The following RPGRIP1L variants were observed in gnomAD, a reference collection of about 807,000 sequenced individuals.
The protein encoded by RPGRIP1L is protein fantom.
In RPGRIP1L, 131 loss-of-function variants were observed where a neutral mutation model predicts 160.4. The ratio of observed to expected loss-of-function variants is 0.82; its 90% CI spans 0.71 to 0.94. RPGRIP1L has a LOEUF of 0.94. RPGRIP1L is among the 40% of genes least tolerant of loss of function. RPGRIP1L has a pLI of 0.00. For synonymous variants in RPGRIP1L, 510 were observed against 515.8 expected, an observed-to-expected ratio of 0.99 and a Z score of 0.15; for missense variants, 1,522 against 1,535.8, an observed-to-expected ratio of 0.99 and a Z score of 0.15.
intron 1 of RPGRIP1L, chr16:53,701,777 T>C (rs376117696): frequency 1.3e-5 from 2 of 152,016 alleles, no homozygotes; most frequent in African/African-American, 4.8e-5. Context: ...ATGGAGTCCA[T>C]GGGGTTTCAG....
intron 24 of RPGRIP1L, among the ~76,000 whole-genome samples, chr16:53,614,378 A>T (rs1249773508): frequency 6.6e-6 from 1 of 152,140 alleles, no homozygotes; most frequent in East Asian, 1.9e-4. Flanking sequence ...AATGCAGATT[A>T]TTGAGTTGTA....
At chr16:53,687,095 G>T (rs1412802519) in intron 5 of RPGRIP1L, among the ~76,000 whole-genome samples, 1 of 152,018 alleles carries the variant, frequency 6.6e-6, no homozygotes, top group Non-Finnish European at 1.5e-5. Context: ...CAGGTAACAA[G>T]GTTATGTCTA....
rs1000865305 is a variant in RPGRIP1L, at chr16:53,688,029, G to C, written c.530-64C>G. 7.3e-6 allele frequency: 7 copies of C among 959,896 alleles called. No homozygotes were observed. The African/African-American group carries it at 8.1e-5, about 11-fold the overall frequency. 59.5% of individuals were successfully genotyped at this position (959,896 alleles called of 1,614,324 possible). On this transcript the variant is annotated intron_variant, in intron 4 of 26. Coordinates refer to ENST00000647211, the MANE Select transcript of RPGRIP1L (RefSeq NM_015272.5). Reference sequence around the variant, plus strand: ...GTTAGAAAAGAAGGATCTTTGATTTGCTATAATAAGGATATTTATAATAAA... The same window carrying C: ...GTTAGAAAAGAAGGATCTTTGATTTCCTATAATAAGGATATTTATAATAAA...
chr16:53,607,358 G>A (rs1963754364), intron 25 of RPGRIP1L, among the ~76,000 whole-genome samples: 1 of 152,082 alleles, frequency 6.6e-6, no homozygotes, highest in African/African-American at 2.4e-5. Flanking sequence ...AGAAAAACTT[G>A]GCATCGGAAA....
chr16:53,646,911 A>G (rs1037590895), intron 16 of RPGRIP1L, among the ~76,000 whole-genome samples: 9 of 152,138 alleles, frequency 5.9e-5, no homozygotes. Context: ...GAAATCTAAG[A>G]CGTGAATCAC....
chr16:53,625,819 A>T (rs535682344), intron 22 of RPGRIP1L, among the ~76,000 whole-genome samples: 2 of 152,302 alleles, frequency 1.3e-5, no homozygotes, highest in East Asian at 3.9e-4. Flanking sequence ...CTGCCTTGGG[A>T]TGCTGTTAAT....
chr16:53,703,065 T>TC (rs1333501254), intron 1 of RPGRIP1L, among the ~76,000 whole-genome samples: 2 of 152,132 alleles, frequency 1.3e-5, no homozygotes, highest in Admixed American at 6.5e-5. Flanking sequence ...GGCCAGGAGT[T>TC]CGAGACCAGC....
chr16:53,612,489 A>ATTT (rs56935715), intron 24 of RPGRIP1L, among the ~76,000 whole-genome samples: 210 of 131,554 alleles, frequency 1.6e-3, no homozygotes, highest in Middle Eastern at 8.3e-3. Flanking sequence ...TCCAAATGGG[A>ATTT]TTTTTTTTTT....
intron 25 of RPGRIP1L, among the ~76,000 whole-genome samples, chr16:53,609,880 T>A (rs1963918790): frequency 6.6e-6 from 1 of 152,138 alleles, no homozygotes; most frequent in Non-Finnish European, 1.5e-5. Flanking sequence ...GAGCTAAGCA[T>A]TCCAGTCTCT....
intron 24 of RPGRIP1L, among the ~76,000 whole-genome samples, chr16:53,617,035 G>A (rs1023528673): frequency 3.1e-5 from 4 of 131,082 alleles, no homozygotes; most frequent in African/African-American, 1.2e-4. Context: ...TTGTGCCACT[G>A]CACTCCAGCC....
At chr16:53,638,519 A>AAC (rs926535724) in intron 19 of RPGRIP1L, 108 bp from the exon 20 acceptor site, 1 of 637,814 alleles carries the variant, frequency 1.6e-6, no homozygotes, top group African/African-American at 1.8e-5. Context: ...CAGCAAATGT[A>AAC]ACAGTTACTC....
chr16:53,628,281 T>C (rs1008085929), intron 22 of RPGRIP1L: 4 of 152,220 alleles, frequency 2.6e-5, no homozygotes, highest in African/African-American at 9.6e-5. Context: ...CAAATTTTAA[T>C]TGGGGTGAGC....
chr16:53,607,800 A>C (rs1963780279), intron 25 of RPGRIP1L, among the ~76,000 whole-genome samples: 1 of 152,270 alleles, frequency 6.6e-6, no homozygotes, highest in South Asian at 2.1e-4. Flanking sequence ...TGTCAAAAAC[A>C]AAATTAAGAA....
chr16:53,657,082 A>C (rs1279945822), intron 13 of RPGRIP1L, among the ~76,000 whole-genome samples: 1 of 152,132 alleles, frequency 6.6e-6, no homozygotes, highest in African/African-American at 2.4e-5. Context: ...CTCTACTAAA[A>C]ATATAAAAAT....
intron 9 of RPGRIP1L, among the ~76,000 whole-genome samples, chr16:53,669,011 T>C (rs926894774): frequency 4.6e-5 from 7 of 152,220 alleles, no homozygotes; most frequent in African/African-American, 1.7e-4. Flanking sequence ...ATTTTTCTCC[T>C]GAAAACTAGT....
chr16:53,625,703 G>A (rs1019932341), intron 22 of RPGRIP1L, among the ~76,000 whole-genome samples: 1 of 152,194 alleles, frequency 6.6e-6, no homozygotes, highest in Admixed American at 6.5e-5. Context: ...GAATAGAAAA[G>A]GGGGAAATGT....
chr16:53,607,428 A>G lies in RPGRIP1L; in HGVS notation c.3702-1814T>C, dbSNP rs142684566. Among the ~76,000 whole-genome samples the G allele has an allele frequency of 2.0e-5, 3 of 152,356 alleles. No homozygotes were observed. In the East Asian group the frequency reaches 5.8e-4, roughly 29 times the overall value. ...AAATTATACATTGACTATATCATTCAATTAAGTAAGAGGAATGATTATGAA... is the reference window on the plus strand; with the variant it reads ...AAATTATACATTGACTATATCATTCGATTAAGTAAGAGGAATGATTATGAA... On this transcript the variant is annotated intron_variant, in intron 25 of 26. Coordinates refer to ENST00000647211, the MANE Select transcript of RPGRIP1L (RefSeq NM_015272.5).
At chr16:53,639,269 G>A (rs1966052544) in intron 19 of RPGRIP1L, among the ~76,000 whole-genome samples, 1 of 151,492 alleles carries the variant, frequency 6.6e-6, no homozygotes, top group Non-Finnish European at 1.5e-5. Context: ...AGTACTCAAT[G>A]GTAATACCTA....
chr16:53,626,191 C>T (rs1965164693), intron 22 of RPGRIP1L, among the ~76,000 whole-genome samples: 1 of 136,638 alleles, frequency 7.3e-6, no homozygotes. Flanking sequence ...AAGTCTCAAT[C>T]AGGTGAATTG....
Sources: allele counts gnomAD v4.1 joint callset (sites outside exome capture counted in the v4.1 genomes callset), GRCh38; gene constraint gnomAD v4.1.1; transcripts MANE v1.5; gene names NCBI Gene and HGNC (gene_info 2026-07-23, HGNC 2026-07-21).